OSBP2: variants seen among roughly 807,000 people sequenced by gnomAD.
OSBP2 encodes the protein oxysterol binding protein 2, also known as oxysterol-binding protein 2.
Under a neutral mutation model 96.0 loss-of-function variants are expected in OSBP2, and 66 were observed. That is an observed-to-expected ratio of 0.69 (90% CI 0.56 to 0.84). The LOEUF (loss-of-function observed/expected upper bound fraction) is 0.84, where lower values mean the gene tolerates loss of function less well. OSBP2 is among the 40% of genes least tolerant of loss of function. The pLI is 0.00. For missense variants in OSBP2, 1,038 were observed against 1,222.7 expected, an observed-to-expected ratio of 0.85 and a Z score of 2.25; for synonymous variants, 525 against 520.9, an observed-to-expected ratio of 1.01 and a Z score of -0.11.
intron 2 of OSBP2, among the ~76,000 whole-genome samples, chr22:30,741,723 C>G (rs1003445579): frequency 6.6e-6 from 1 of 152,154 alleles, no homozygotes; most frequent in African/African-American, 2.4e-5. Context: ...GTTCCCCCAT[C>G]GTGGAGAGTG....
At chr22:30,705,847 G>T (rs1318831885) in intron 1 of OSBP2, among the ~76,000 whole-genome samples, 2 of 152,198 alleles carry the variant, frequency 1.3e-5, no homozygotes, top group African/African-American at 2.4e-5. Flanking sequence ...GAGTGGAGGA[G>T]GGGGAGGGAA....
chr22:30,874,169 A>C (rs750355795), intron 3 of OSBP2, among the ~76,000 whole-genome samples: 1 of 152,178 alleles, frequency 6.6e-6, no homozygotes, highest in Non-Finnish European at 1.5e-5. Context: ...CCCAGGAGGC[A>C]GAGGTTGCAG....
rs2039910170 is a variant in OSBP2, at chr22:30,890,078, T to A, written c.1623+442T>A. Among the ~76,000 whole-genome samples, 1 of 152,106 alleles carries A rather than the reference T, an allele frequency of 6.6e-6. No homozygotes were observed. Among genetic ancestry groups the A allele is most frequent in the Admixed American group, 6.5e-5 (1 of 15,276 alleles). On this transcript the variant is annotated intron_variant, in intron 7 of 13. Coordinates refer to ENST00000332585, the MANE Select transcript of OSBP2 (RefSeq NM_030758.4). This position sits in a 1 kb window ranked among gnomAD's most constrained non-coding sequence, Gnocchi z 4.4. Reference sequence around the variant, plus strand: ...CTCATGCCACCTGGCTACAGTGGCATCTCCACTAGGCCAGACGGTTCTGCT... The same window carrying A: ...CTCATGCCACCTGGCTACAGTGGCAACTCCACTAGGCCAGACGGTTCTGCT...
intron 1 of OSBP2, among the ~76,000 whole-genome samples, chr22:30,715,856 CTTTT>C (rs56747830): frequency 4.1e-4 from 54 of 130,238 alleles, no homozygotes; most frequent in Admixed American, 4.7e-4. Context: ...CACACCTAAC[CTTTT>C]TTTTTTTTTT....
intron 3 of OSBP2, among the ~76,000 whole-genome samples, chr22:30,873,486 C>T (rs757099207): frequency 1.3e-5 from 2 of 152,280 alleles, no homozygotes; most frequent in East Asian, 1.9e-4. Flanking sequence ...ATATGGAAGC[C>T]ACGCACCGCA....
intron 1 of OSBP2, among the ~76,000 whole-genome samples, chr22:30,725,085 A>T (rs1190769382): frequency 6.6e-6 from 1 of 151,248 alleles, no homozygotes; most frequent in Non-Finnish European, 1.5e-5. Context: ...CTGAGGCAGG[A>T]GAATGGCGTG....
intron 2 of OSBP2, among the ~76,000 whole-genome samples, chr22:30,840,330 A>AG (rs1569145506): frequency 1.3e-5 from 2 of 151,910 alleles, no homozygotes; most frequent in African/African-American, 4.8e-5. Context: ...AAAGGAAAAA[A>AG]AAAAAGAAAG....
chr22:30,843,897 A>C (rs1218347802), intron 2 of OSBP2, among the ~76,000 whole-genome samples: 1 of 149,492 alleles, frequency 6.7e-6, no homozygotes, highest in Non-Finnish European at 1.5e-5. Flanking sequence ...TTTTTGAGAC[A>C]AGATCTTACT....
intron 2 of OSBP2, among the ~76,000 whole-genome samples, chr22:30,800,329 G>T (rs1453312760): frequency 6.6e-6 from 1 of 152,144 alleles, no homozygotes. Flanking sequence ...GGAGGGCTGG[G>T]TCCAGGCCTC....
At chr22:30,835,743 A>G (rs2038617117) in intron 2 of OSBP2, among the ~76,000 whole-genome samples, 1 of 146,258 alleles carries the variant, frequency 6.8e-6, no homozygotes, top group Non-Finnish European at 1.5e-5. Context: ...TTTTTAAGAT[A>G]CAAAGTCTCA....
intron 2 of OSBP2, among the ~76,000 whole-genome samples, chr22:30,831,101 A>C (rs1325307285): frequency 6.6e-6 from 1 of 152,204 alleles, no homozygotes; most frequent in Non-Finnish European, 1.5e-5. Flanking sequence ...CATTGCCAAG[A>C]ATGCAATCGC....
At chr22:30,778,815 C>T (rs1185203821) in intron 2 of OSBP2, among the ~76,000 whole-genome samples, 2 of 151,930 alleles carry the variant, frequency 1.3e-5, no homozygotes, top group Non-Finnish European at 2.9e-5. Flanking sequence ...GCCGGTTGGT[C>T]ACTTGAGGTC....
chr22:30,772,188 T>A (rs917525921), intron 2 of OSBP2, among the ~76,000 whole-genome samples: 1 of 152,150 alleles, frequency 6.6e-6, no homozygotes, highest in East Asian at 1.9e-4. Context: ...ATCCTGCAAG[T>A]TGGGACTCCC....
chr22:30,850,582 CT>C (rs1232281782), intron 2 of OSBP2, among the ~76,000 whole-genome samples: 2 of 151,966 alleles, frequency 1.3e-5, no homozygotes, highest in East Asian at 3.9e-4. Context: ...TCACTGCAAC[CT>C]CCGCCTCCTG....
intron 1 of OSBP2, 145 bp from the exon 2 acceptor site, chr22:30,741,016 A>G: frequency 1.5e-6 from 1 of 662,322 alleles, no homozygotes; most frequent in Non-Finnish European, 2.6e-6. Context: ...AGGCAGTTCC[A>G]ATAGGCATCA....
At chr22:30,775,379 A>T (rs1367535235) in intron 2 of OSBP2, among the ~76,000 whole-genome samples, 2 of 152,078 alleles carry the variant, frequency 1.3e-5, no homozygotes, top group East Asian at 3.9e-4. Flanking sequence ...AGGCTGAGGC[A>T]GGCGGATCAC....
intron 2 of OSBP2, among the ~76,000 whole-genome samples, chr22:30,808,468 C>T (rs1283496404): frequency 6.6e-6 from 1 of 152,202 alleles, no homozygotes; most frequent in African/African-American, 2.4e-5. Context: ...GATCACCCCA[C>T]TGCATTCTGG....
intron 2 of OSBP2, among the ~76,000 whole-genome samples, chr22:30,821,069 G>A (rs561759271): frequency 3.3e-5 from 5 of 152,350 alleles, no homozygotes; most frequent in African/African-American, 1.2e-4. Flanking sequence ...GGCACAGTTA[G>A]GTAGGGCTCT....
intron 2 of OSBP2, among the ~76,000 whole-genome samples, chr22:30,787,184 A>C (rs1012227523): frequency 6.6e-5 from 10 of 152,160 alleles, no homozygotes; most frequent in African/African-American, 2.4e-4. Flanking sequence ...TAAGTAATTT[A>C]TAAAGGAAAG....
Sources: gnomAD v4.1 joint callset for allele counts (sites outside exome capture counted in the v4.1 genomes callset) on GRCh38, gnomAD v4.1.1 for gene constraint, Gnocchi (gnomAD v3.1) non-coding constraint, MANE v1.5 for transcripts, NCBI Gene and HGNC (gene_info 2026-07-23, HGNC 2026-07-21) for gene names.